The following DMRT1 variants were observed in gnomAD, a reference collection of about 807,000 sequenced individuals.
DMRT1 encodes the protein doublesex- and mab-3-related transcription factor 1.
A neutral mutation model predicts 32.3 loss-of-function variants in DMRT1; 7 were observed. The observed-to-expected ratio is 0.22, with a 90% CI of 0.12 to 0.41. DMRT1 has a LOEUF of 0.41. DMRT1 is among the 10% of genes least tolerant of loss of function. The pLI, the probability that DMRT1 is intolerant of heterozygous loss-of-function variation, is 1.00. For synonymous variants in DMRT1, 278 were observed against 206.1 expected (o/e 1.35, Z -2.99); for missense variants, 625 against 500.5 (o/e 1.25, Z -2.37).
chr9:886,551 C>A (rs190367443), intron 2 of DMRT1, among the ~76,000 whole-genome samples: 1 of 152,056 alleles, frequency 6.6e-6, no homozygotes, highest in East Asian at 1.9e-4. Context: ...CCACCGTGTA[C>A]GGCCAAACTG....
chr9:903,514 A>C (rs1191457554), intron 3 of DMRT1, among the ~76,000 whole-genome samples: 1 of 152,236 alleles, frequency 6.6e-6, no homozygotes, highest in Admixed American at 6.5e-5. Flanking sequence ...TTGATCCTGC[A>C]GCAAGGGTAG....
intron 2 of DMRT1, among the ~76,000 whole-genome samples, chr9:864,472 C>A (rs1202641787): frequency 7.0e-6 from 1 of 142,722 alleles, no homozygotes; most frequent in African/African-American, 2.6e-5. Flanking sequence ...AGATTACAGG[C>A]GTGAGCCACC....
rs531421386 is a variant in DMRT1 at position 898,337 on chromosome 9, C to G, written c.822+4142C>G. Among the ~76,000 whole-genome samples the G allele has an allele frequency of 1.5e-3, 234 of 152,254 alleles. 2 individuals carry two copies. The highest frequency in any genetic ancestry group is 5.3e-3 in the African/African-American group (221 of 41,544). ...GTTTCACCATGTTGTCCAGGCTGTTCTCAAACTCCTGGCCTCAAGTGATCC... is the reference window on the plus strand; with the variant it reads ...GTTTCACCATGTTGTCCAGGCTGTTGTCAAACTCCTGGCCTCAAGTGATCC... On this transcript the variant is annotated intron_variant, in intron 3 of 4. Coordinates refer to ENST00000382276, the MANE Select transcript of DMRT1 (RefSeq NM_021951.3).
intron 2 of DMRT1, among the ~76,000 whole-genome samples, chr9:859,844 A>AT (rs771941114): frequency 6.9e-6 from 1 of 145,468 alleles, no homozygotes; most frequent in Admixed American, 6.8e-5. Flanking sequence ...GTAATAGCAG[A>AT]TTTTCTGATG....
intron 4 of DMRT1, among the ~76,000 whole-genome samples, chr9:947,868 G>A (rs970901314): frequency 1.3e-5 from 2 of 152,154 alleles, no homozygotes; most frequent in South Asian, 2.1e-4. Context: ...ATAGATCTCA[G>A]CCGGAGCTGG....
intron 3 of DMRT1, among the ~76,000 whole-genome samples, chr9:902,413 G>T (rs995918579): frequency 6.6e-5 from 10 of 151,404 alleles, no homozygotes; most frequent in African/African-American, 1.9e-4. Context: ...AGGGGCTTCA[G>T]TGTGCTCCCT....
intron 1 of DMRT1, among the ~76,000 whole-genome samples, chr9:843,731 C>G (rs7853446): frequency 0.23 from 35,237 of 152,068 alleles, 4,132 homozygotes; most frequent in Middle Eastern, 0.3. Context: ...TAACGATGTG[C>G]TACTTTTGAT....
At position 899,451 on chromosome 9, in the gene DMRT1, G is replaced by A. The variant is rs180782828; in HGVS notation, c.822+5256G>A. ...AAAAAATAGAGCAGTCTCCTAGCTCGGCATTCCAGAATCTTAAGGCTCTTT... is the reference window on the plus strand; with the variant it reads ...AAAAAATAGAGCAGTCTCCTAGCTCAGCATTCCAGAATCTTAAGGCTCTTT... On this transcript the variant is annotated intron_variant, in intron 3 of 4. Transcript: ENST00000382276. Among the ~76,000 whole-genome samples, 5 of 152,248 alleles carry A rather than the reference G, an allele frequency of 3.3e-5. No individual in the cohort carries two copies. In the East Asian group the frequency reaches 5.8e-4, roughly 18 times the overall value.
At chr9:881,206 C>T (rs1816723537) in intron 2 of DMRT1, among the ~76,000 whole-genome samples, 2 of 152,254 alleles carry the variant, frequency 1.3e-5, no homozygotes, top group Non-Finnish European at 2.9e-5. Context: ...GCTCTCCAGT[C>T]CTGTACAATT....
At chr9:882,186 T>A (rs1285461365) in intron 2 of DMRT1, among the ~76,000 whole-genome samples, 2 of 152,194 alleles carry the variant, frequency 1.3e-5, no homozygotes, top group East Asian at 3.9e-4. Context: ...GGGATCCTCC[T>A]AACTTTAGCA....
chr9:958,767 T>G (rs531768318), intron 4 of DMRT1, among the ~76,000 whole-genome samples: 1 of 152,356 alleles, frequency 6.6e-6, no homozygotes, highest in South Asian at 2.1e-4. Flanking sequence ...TATTAGAGAT[T>G]ATATAAATCT....
intron 2 of DMRT1, among the ~76,000 whole-genome samples, chr9:857,314 A>AAT (rs1370371183): frequency 3.9e-5 from 5 of 127,554 alleles, no homozygotes; most frequent in African/African-American, 1.2e-4. Flanking sequence ...CTCAAAAAAA[A>AAT]TATATATATG....
intron 2 of DMRT1, among the ~76,000 whole-genome samples, chr9:882,898 A>G (rs1351919105): frequency 2.7e-5 from 4 of 148,626 alleles, no homozygotes; most frequent in South Asian, 2.1e-4. Flanking sequence ...CAGCCTCCCC[A>G]GTAGCTGGGA....
chr9:941,855 T>C (rs534583460), intron 4 of DMRT1, among the ~76,000 whole-genome samples: 137 of 152,360 alleles, frequency 9.0e-4, no homozygotes, highest in African/African-American at 3.1e-3. Context: ...TAATGTGGAA[T>C]GATTCTTATA....
intron 4 of DMRT1, among the ~76,000 whole-genome samples, chr9:955,222 A>G (rs1819561867): frequency 1.3e-5 from 2 of 152,126 alleles, no homozygotes; most frequent in South Asian, 2.1e-4. Flanking sequence ...GAGAGAGGGC[A>G]GGAAAGAGCA....
At chr9:916,952 T>C (rs2129777343) in intron 4 of DMRT1, 45 bp downstream of exon 4, 2 of 1,610,892 alleles carry the variant, frequency 1.2e-6, no homozygotes, top group African/African-American at 2.7e-5. Flanking sequence ...TGAGAGAGGA[T>C]GGCTATCCAG....
rs776224237 is a variant in DMRT1 at position 894,212 on chromosome 9, C to G, written c.822+17C>G. On this transcript the variant is annotated intron_variant, in intron 3 of 4. Coordinates refer to ENST00000382276, the MANE Select transcript of DMRT1 (RefSeq NM_021951.3). ...CAGTGGCAGGTATGATATTAATTACCCAGAGAGTGAACTGGTTGTGTGAAA... is the reference window on the plus strand; with the variant it reads ...CAGTGGCAGGTATGATATTAATTACGCAGAGAGTGAACTGGTTGTGTGAAA... The G allele has an allele frequency of 2.5e-6, 4 of 1,612,200 alleles. No individual in the cohort carries two copies. Among genetic ancestry groups the G allele is most frequent in the Non-Finnish European group, 2.5e-6 (3 of 1,179,800 alleles).
chr9:918,045 A>G (rs1322001976), intron 4 of DMRT1, among the ~76,000 whole-genome samples: 5 of 152,184 alleles, frequency 3.3e-5, no homozygotes, highest in Admixed American at 2.0e-4. Flanking sequence ...TTGAGTCTAT[A>G]TATTTATTTG....
intron 2 of DMRT1, among the ~76,000 whole-genome samples, chr9:855,071 A>C (rs1025723519): frequency 6.6e-6 from 1 of 151,774 alleles, no homozygotes; most frequent in African/African-American, 2.4e-5. Context: ...CCGGCCAGGG[A>C]CTGATGGCTT....
Sources: gnomAD v4.1 joint callset for allele counts (sites outside exome capture counted in the v4.1 genomes callset) on GRCh38, gnomAD v4.1.1 for gene constraint, MANE v1.5 for transcripts, NCBI Gene and HGNC (gene_info 2026-07-23, HGNC 2026-07-21) for gene names.